Variants in GLB1L3 observed in about 807,000 individuals in gnomAD.
GLB1L3 encodes galactosidase beta 1 like 3.
A neutral mutation model predicts 89.5 loss-of-function variants in GLB1L3; 89 were observed. The observed-to-expected ratio is 0.99, with a 90% confidence interval of 0.84 to 1.19. GLB1L3 has a LOEUF of 1.19. Among genes scored for constraint, GLB1L3 ranks in the 50% most tolerant of loss-of-function variants. The pLI, the probability that GLB1L3 is intolerant of heterozygous loss-of-function variation, is 0.00. For synonymous variants in GLB1L3, 314 were observed against 312.3 expected (o/e 1.01, Z -0.06); for missense variants, 812 against 813.3 (o/e 1.00, Z 0.02).
downstream of GLB1L3, among the ~76,000 whole-genome samples, chr11:134,321,284 A>G (rs2136243551): frequency 6.6e-6 from 1 of 152,368 alleles, no homozygotes; most frequent in South Asian, 2.1e-4. Context: ...TAATAAACTA[A>G]GCTTAATGTT....
chr11:134,308,371 CCACCACCA>C, intron 10 of GLB1L3, among the ~76,000 whole-genome samples: 1 of 68,436 alleles, frequency 1.5e-5, no homozygotes, highest in Non-Finnish European at 3.0e-5. Flanking sequence ...ACCACCACCA[CCACCACCA>C]TCACCACCAT....
chr11:134,310,772 C>A, intron 12 of GLB1L3, 121 bp downstream of exon 12: 1 of 725,124 alleles, frequency 1.4e-6, no homozygotes, highest in Non-Finnish European at 2.3e-6. Context: ...CTCCTGAGAA[C>A]AAGGGCAACC....
intron 3 of GLB1L3, among the ~76,000 whole-genome samples, chr11:134,279,430 G>C (rs1462289093): frequency 7.2e-6 from 1 of 138,122 alleles, no homozygotes; most frequent in Non-Finnish European, 1.5e-5. Flanking sequence ...GCAGTGGCGC[G>C]ATCTCTGCTC....
chr11:134,318,699 G>A lies in GLB1L3; in HGVS notation c.1848G>A (p.Gln616=). ...GGCGATATTGGAATATTGGGCCTCA[G>A]AAAACACTGTACCTTCCTGGAGTTT... The part of the protein sequence containing the change: ...NLGRYWNIGP[Q]KTLYLPGVWL... Residue 616 remains glutamine (Q), a synonymous_variant, in exon 19 of 20, where the codon CAG becomes CAA. Transcript: ENST00000431683. The A allele has an allele frequency of 6.2e-7, 1 of 1,613,138 alleles. No individual in the cohort carries two copies. The highest frequency in any genetic ancestry group is 1.3e-5 in the African/African-American group (1 of 75,040).
chr11:134,308,178 C>CCATCACCAT (rs1565412120), intron 10 of GLB1L3, among the ~76,000 whole-genome samples: 1 of 115,050 alleles, frequency 8.7e-6, no homozygotes, highest in Non-Finnish European at 1.7e-5. Flanking sequence ...AGCACCACCA[C>CCATCACCAT]CATCACCATC....
chr11:134,287,704 G>T (rs1941098691), intron 6 of GLB1L3, among the ~76,000 whole-genome samples: 2 of 152,262 alleles, frequency 1.3e-5, no homozygotes, highest in African/African-American at 4.8e-5. Context: ...ACCAGGCACA[G>T]CGGAGAGGCC....
downstream of GLB1L3, among the ~76,000 whole-genome samples, chr11:134,323,954 T>C (rs1277833449): frequency 6.6e-6 from 1 of 152,226 alleles, no homozygotes; most frequent in Admixed American, 6.5e-5. Context: ...TGTGCTGAAA[T>C]TTCTTTCTAA....
At chr11:134,284,019 C>T (rs1378204527) in intron 6 of GLB1L3, among the ~76,000 whole-genome samples, 174 bp downstream of exon 6, 2 of 152,174 alleles carry the variant, frequency 1.3e-5, no homozygotes, top group African/African-American at 4.8e-5. Flanking sequence ...CCTGTCCTGT[C>T]CTTGTTGTCC....
chr11:134,309,974 G>A lies in GLB1L3; in HGVS notation c.1099+211G>A, dbSNP rs901435364. On this transcript the variant is annotated intron_variant, in intron 11 of 19. Coordinates refer to ENST00000431683, the MANE Select transcript of GLB1L3 (RefSeq NM_001080407.3). ...AGTAGACAGGGCTTTCCGGGACTTA[G>A]AGCTCCGCTTCACACATCTGGTATA... 4 of 587,812 alleles carry A rather than the reference G, an allele frequency of 6.8e-6. No individual in the cohort carries two copies. The African/African-American group carries it at 7.5e-5, about 11-fold the overall frequency. The allele number at this position is 587,812 out of a possible 1,614,324, so 36.4% of individuals were successfully genotyped here. A position where few individuals can be genotyped will look rare whatever the true frequency, so the allele number is the denominator to read the frequency against.
At chr11:134,311,207 T>A (rs1144218) in intron 13 of GLB1L3, 37 bp downstream of exon 13, 4 of 1,465,316 alleles carry the variant, frequency 2.7e-6, no homozygotes, top group Non-Finnish European at 3.8e-6. Context: ...GGAGTGGCCA[T>A]TGGAGGGATG....
chr11:134,294,929 T>A (rs1941553123), intron 9 of GLB1L3, among the ~76,000 whole-genome samples: 1 of 152,176 alleles, frequency 6.6e-6, no homozygotes. Flanking sequence ...GTGACTGTGG[T>A]TTTTGCATGT....
chr11:134,312,832 C>CAA lies in GLB1L3; in HGVS notation c.1446_1447dup (p.Met483LysfsTer2), dbSNP rs745577819. 6.2e-7 allele frequency: 1 copy of CAA among 1,611,896 alleles called. No homozygotes were observed. The highest frequency in any genetic ancestry group is 8.5e-7 in the Non-Finnish European group (1 of 1,178,766). Reference sequence around the variant, plus strand: ...CTTTTGCAGGTGTTTTTGGATGAGACAATGATAGGGATTCTGAATGAGAAT... The same window carrying CAA: ...CTTTTGCAGGTGTTTTTGGATGAGACAAAATGATAGGGATTCTGAATGAGAAT... On this transcript the variant is annotated frameshift_variant, in exon 15 of 20. Coordinates refer to ENST00000431683, the MANE Select transcript of GLB1L3 (RefSeq NM_001080407.3). LOFTEE classifies it high-confidence loss of function.
At position 134,319,128 on chromosome 11, in the gene GLB1L3, G is replaced by T. The variant is rs1299859702; in HGVS notation, c.*186G>T. ...CGCCACCACGCCTGGCTAATTTTTTGTATTTTTAGTAGAGATGGGGTTTCA... is the reference window on the plus strand; with the variant it reads ...CGCCACCACGCCTGGCTAATTTTTTTTATTTTTAGTAGAGATGGGGTTTCA... On this transcript the variant is annotated 3_prime_UTR_variant, in exon 20 of 20. Transcript: ENST00000431683. 3 of 542,610 alleles carry T rather than the reference G, an allele frequency of 5.5e-6. No individual in the cohort carries two copies. Among genetic ancestry groups the T allele is most frequent in the Non-Finnish European group, 9.9e-6 (3 of 304,084 alleles). The allele number at this position is 542,610 out of a possible 1,614,324, so 33.6% of individuals were successfully genotyped here.
chr11:134,318,383 A>T (rs1165663456), intron 18 of GLB1L3, among the ~76,000 whole-genome samples: 1 of 152,248 alleles, frequency 6.6e-6, no homozygotes, highest in Non-Finnish European at 1.5e-5. Context: ...GCTTTTTAAA[A>T]TATATAACAT....
chr11:134,322,099 C>G (rs1323070613), downstream of GLB1L3, among the ~76,000 whole-genome samples: 1 of 152,060 alleles, frequency 6.6e-6, no homozygotes, highest in Non-Finnish European at 1.5e-5. Flanking sequence ...CATAAAGATG[C>G]AATGATCGAA....
rs1337499827 is a variant in GLB1L3, at chr11:134,319,147, G to A, written c.*205G>A. The A allele has an allele frequency of 7.8e-6, 4 of 512,816 alleles. No homozygotes were observed. The highest frequency in any genetic ancestry group is 1.4e-5 in the Non-Finnish European group (4 of 286,366). 31.8% of individuals were successfully genotyped at this position (512,816 alleles called of 1,614,324 possible). ...TTTTTTGTATTTTTAGTAGAGATGG[G>A]GTTTCACCAAGTTAGCCAGGATGGT... is the stretch of plus-strand genomic sequence containing the variant. On this transcript the variant is annotated 3_prime_UTR_variant, in exon 20 of 20. Transcript: ENST00000431683.
At position 134,277,411 on chromosome 11, in the gene GLB1L3, G is replaced by GAGA. The variant is rs772676676; in HGVS notation, c.111_113dup (p.Glu37_Asn38insLys). The stretch of plus-strand genomic sequence containing the variant: ...TTTTGCTCCTCGGTTTAAGCAGGAA[G>GAGA]AGAACTTCATGCTTGGAAGAGCGCA... On this transcript the variant is annotated inframe_insertion, in exon 2 of 20. Coordinates refer to ENST00000431683, the MANE Select transcript of GLB1L3 (RefSeq NM_001080407.3). 1 of 1,613,954 alleles carries GAGA rather than the reference G, an allele frequency of 6.2e-7. No homozygotes were observed. Among genetic ancestry groups the GAGA allele is most frequent in the Non-Finnish European group, 8.5e-7 (1 of 1,179,862 alleles).
chr11:134,311,287 T>A, intron 13 of GLB1L3, 117 bp downstream of exon 13: 1 of 806,562 alleles, frequency 1.2e-6, no homozygotes, highest in Non-Finnish European at 2.1e-6. Flanking sequence ...TTCATTCAAA[T>A]TTAGAACTGT....
intron 9 of GLB1L3, among the ~76,000 whole-genome samples, chr11:134,298,987 G>C (rs975907990): frequency 5.3e-5 from 8 of 152,060 alleles, no homozygotes; most frequent in Non-Finnish European, 1.0e-4. Context: ...CTTGGATGCT[G>C]TTTTCTTTCC....
Sources: gnomAD v4.1 joint callset for allele counts (sites outside exome capture counted in the v4.1 genomes callset) on GRCh38, gnomAD v4.1.1 for gene constraint, MANE v1.5 for transcripts, NCBI Gene and HGNC (gene_info 2026-07-23, HGNC 2026-07-21) for gene names.